TENT4B: variants seen among roughly 807,000 people sequenced by gnomAD.
TENT4B encodes the protein PAP associated domain containing 5.
In TENT4B, 10 loss-of-function variants were observed where a neutral mutation model predicts 75.0. That is an observed-to-expected ratio of 0.13 (90% CI 0.08 to 0.23). The LOEUF is 0.23. TENT4B is among the 10% of genes least tolerant of loss of function. The pLI, the probability that TENT4B is intolerant of heterozygous loss-of-function variation, is 1.00. For missense variants in TENT4B, 579 were observed against 893.8 expected, an observed-to-expected ratio of 0.65 and a Z score of 4.49; for synonymous variants, 350 against 357.7, an observed-to-expected ratio of 0.98 and a Z score of 0.24.
At chr16:50,214,604 C>T (rs1428624124) in intron 3 of TENT4B, among the ~76,000 whole-genome samples, 5 of 152,064 alleles carry the variant, frequency 3.3e-5, no homozygotes, top group East Asian at 3.9e-4. Context: ...TGCAGTGAGC[C>T]GAGATCGCGC....
intron 1 of TENT4B, among the ~76,000 whole-genome samples, chr16:50,195,569 G>A (rs2030176370): frequency 6.6e-6 from 1 of 152,180 alleles, no homozygotes; most frequent in Non-Finnish European, 1.5e-5. Flanking sequence ...TGATGGTCCT[G>A]AGTCATGAAA....
chr16:50,230,268 C>G lies in TENT4B; in HGVS notation c.*940C>G, dbSNP rs1355771404. On this transcript the variant is annotated 3_prime_UTR_variant, in exon 12 of 12. Coordinates refer to ENST00000561678, the MANE Select transcript of TENT4B (RefSeq NM_001365324.3). ...ACTTTGTGTTTGCTTCCTTTGCAGTCTTTTTTTTTTCCCCCCATTTCTTCC... is the reference window on the plus strand; with the variant it reads ...ACTTTGTGTTTGCTTCCTTTGCAGTGTTTTTTTTTTCCCCCCATTTCTTCC... 77 of 899,320 alleles carry G rather than the reference C, an allele frequency of 8.6e-5. No homozygotes were observed. Among genetic ancestry groups the G allele is most frequent in the Non-Finnish European group, 9.8e-5 (76 of 773,926 alleles). 55.7% of individuals were successfully genotyped at this position (899,320 alleles called of 1,614,324 possible).
At position 50,235,004 on chromosome 16, in the gene TENT4B, G is replaced by T. The variant is rs1454851974; in HGVS notation, c.*5676G>T. 1.0e-6 allele frequency: 1 copy of T among 985,712 alleles called. No individual in the cohort carries two copies. Among genetic ancestry groups the T allele is most frequent in the African/African-American group, 1.7e-5 (1 of 57,228 alleles). The allele number at this position is 985,712 out of a possible 1,614,324, so 61.1% of individuals were successfully genotyped here. A position where few individuals can be genotyped will look rare whatever the true frequency, so the allele number is the denominator to read the frequency against. On this transcript the variant is annotated 3_prime_UTR_variant, in exon 12 of 12. Coordinates refer to ENST00000561678, the MANE Select transcript of TENT4B (RefSeq NM_001365324.3). The stretch of plus-strand genomic sequence containing the variant: ...ATCATCTTGAAAACTTTCCAATCTT[G>T]TCTAGTTACCACTGCAGAGACACTA...
upstream of TENT4B, chr16:50,152,932 G>C (rs1027154104): frequency 9.3e-6 from 14 of 1,499,624 alleles, no homozygotes; most frequent in Non-Finnish European, 1.2e-5. Context: ...CGCGCTCCCT[G>C]CGGGGCGGGC....
intron 1 of TENT4B, among the ~76,000 whole-genome samples, chr16:50,195,397 A>G (rs77982079): frequency 0.026 from 3,897 of 152,294 alleles, 53 homozygotes; most frequent in South Asian, 0.05. Context: ...TTTGGCTCTC[A>G]GTGAGTTTAC....
rs2150758601 is a variant in TENT4B at position 50,234,161 on chromosome 16, CA to C, written c.*4835del. 2 of 985,392 alleles carry C rather than the reference CA, an allele frequency of 2.0e-6. No individual in the cohort carries two copies. The highest frequency in any genetic ancestry group is 2.4e-6 in the Non-Finnish European group (2 of 829,948). The allele number at this position is 985,392 out of a possible 1,614,324, so 61.0% of individuals were successfully genotyped here. On this transcript the variant is annotated 3_prime_UTR_variant, in exon 12 of 12. Transcript: ENST00000561678. ...TACCAGTGAGAAACTATGAAGTAAA[CA>C]AGTTGCTCAGGCCGGGCATGGTGGC... is the stretch of plus-strand genomic sequence containing the variant.
At chr16:50,153,217 G>C (rs2037802266), upstream of TENT4B, among the ~76,000 whole-genome samples, 1 of 139,724 alleles carries the variant, frequency 7.2e-6, no homozygotes, top group Non-Finnish European at 1.6e-5. Flanking sequence ...GGGCGGAGCC[G>C]GCAGAGGCCC....
intron 5 of TENT4B, among the ~76,000 whole-genome samples, chr16:50,221,415 G>T (rs181231887): frequency 6.6e-6 from 1 of 152,166 alleles, no homozygotes; most frequent in Non-Finnish European, 1.5e-5. Context: ...GACTCATTCT[G>T]TACATACTTG....
At chr16:50,200,960 C>A (rs1007057289) in intron 1 of TENT4B, among the ~76,000 whole-genome samples, 1 of 151,904 alleles carries the variant, frequency 6.6e-6, no homozygotes, top group Non-Finnish European at 1.5e-5. Flanking sequence ...CCATGCCCTG[C>A]TAATTTAAAA....
chr16:50,232,041 C>T lies in TENT4B; in HGVS notation c.*2713C>T, dbSNP rs753303873. 1.0e-6 allele frequency: 1 copy of T among 985,202 alleles called. No homozygotes were observed. Among genetic ancestry groups the T allele is most frequent in the African/African-American group, 1.7e-5 (1 of 57,230 alleles). 61.0% of individuals were successfully genotyped at this position (985,202 alleles called of 1,614,324 possible). ...ATTCTCCCTCACTCTGGTGACATTT[C>T]TCAGGCAGTCATGTATGTGTACCTG... On this transcript the variant is annotated 3_prime_UTR_variant, in exon 12 of 12. Transcript: ENST00000561678.
In TENT4B at chr16:50,234,333, C is replaced by T; in HGVS notation, c.*5005C>T. On this transcript the variant is annotated 3_prime_UTR_variant, in exon 12 of 12. Coordinates refer to ENST00000561678, the MANE Select transcript of TENT4B (RefSeq NM_001365324.3). ...ATTGGGTAGGGGAGGGAAAGGAGGA[C>T]TTGGAAAAGCATTCTCCAAAGCCAG... 1 of 972,824 alleles carries T rather than the reference C, an allele frequency of 1.0e-6. No homozygotes were observed. The allele number at this position is 972,824 out of a possible 1,614,324, so 60.3% of individuals were successfully genotyped here. A position where few individuals can be genotyped will look rare whatever the true frequency, so the allele number is the denominator to read the frequency against.
rs746671560 is a variant in TENT4B, at chr16:50,227,828, A to T, written c.1801-11A>T. On this transcript the variant is annotated splice_polypyrimidine_tract_variant and intron_variant, in intron 10 of 11. Coordinates refer to ENST00000561678, the MANE Select transcript of TENT4B (RefSeq NM_001365324.3). ...AATATGTCACATTATAACTCACGTG[A>T]CTTGTGTTAGGATTCCGATGCAACA... The T allele has an allele frequency of 8.1e-6, 13 of 1,613,544 alleles. No individual in the cohort carries two copies. The Admixed American group carries it at 1.8e-4, about 23-fold the overall frequency.
intron 1 of TENT4B, among the ~76,000 whole-genome samples, chr16:50,209,661 C>T (rs1157780080): frequency 6.6e-6 from 1 of 152,190 alleles, no homozygotes; most frequent in Non-Finnish European, 1.5e-5. Flanking sequence ...TGAAAAGGCT[C>T]CTGCTTACCA....
At chr16:50,200,937 T>C (rs2030606360) in intron 1 of TENT4B, among the ~76,000 whole-genome samples, 1 of 151,840 alleles carries the variant, frequency 6.6e-6, no homozygotes, top group African/African-American at 2.4e-5. Flanking sequence ...GCTGGGACTA[T>C]AGGCACACAC....
At chr16:50,165,619 G>A (rs976683644) in intron 1 of TENT4B, among the ~76,000 whole-genome samples, 2 of 152,038 alleles carry the variant, frequency 1.3e-5, no homozygotes, top group African/African-American at 4.8e-5. Context: ...GTCACATATA[G>A]ACTCTCTGTC....
In TENT4B at chr16:50,216,152, A is replaced by G. The variant is rs1596738747; in HGVS notation, c.887A>G (p.Lys296Arg). Residue 296 changes from lysine (K) to arginine (R), a missense_variant, in exon 4 of 12, where the codon AAA becomes AGA. Physicochemically the swap from Lys to Arg is conservative, Grantham distance 26. Around this residue, in one of 7 missense-constraint regions of TENT4B, gnomAD observed 55 missense variants for 77.1 expected, o/e 0.71. Coordinates refer to ENST00000561678, the MANE Select transcript of TENT4B (RefSeq NM_001365324.3). ...CTGGAAGAAGCTCTTCGGAAACACA[A>G]AGTCGCAGATGAGGATTCGGTGAAA... is the stretch of plus-strand genomic sequence containing the variant. ...WTLEEALRKH[K>R]VADEDSVKVL... is the part of the protein sequence containing the mutation. 2 of 1,613,966 alleles carry G rather than the reference A, an allele frequency of 1.2e-6. No homozygotes were observed. Among genetic ancestry groups the G allele is most frequent in the Non-Finnish European group, 8.5e-7 (1 of 1,179,868 alleles).
Position 50,216,163 on chromosome 16 carries a change from G to C in TENT4B, c.898G>C (p.Glu300Gln), listed in dbSNP as rs2031543177. 1 of 1,614,018 alleles carries C rather than the reference G, an allele frequency of 6.2e-7. No homozygotes were observed. Among genetic ancestry groups the C allele is most frequent in the East Asian group, 2.2e-5 (1 of 44,884 alleles). The change falls in exon 4 of 12, where the codon GAG becomes CAG. Residue 300 changes from glutamate (E) to glutamine (Q), a missense_variant. Transcript: ENST00000561678. ...EALRKHKVAD[E>Q]DSVKVLDKAT... ...TCTTCGGAAACACAAAGTCGCAGAT[G>C]AGGATTCGGTGAAAGTTTTAGACAA...
intron 1 of TENT4B, among the ~76,000 whole-genome samples, chr16:50,208,693 G>T (rs547147886): frequency 6.6e-6 from 1 of 152,172 alleles, no homozygotes; most frequent in South Asian, 2.1e-4. Flanking sequence ...TTTTCTCCTA[G>T]TGCCTTGAAC....
intron 1 of TENT4B, among the ~76,000 whole-genome samples, chr16:50,163,573 G>C: frequency 6.6e-6 from 1 of 151,234 alleles, no homozygotes; most frequent in Admixed American, 6.6e-5. Flanking sequence ...CTTATTTTTT[G>C]TATTTTTAGT....
Sources: gnomAD v4.1 joint callset for allele counts (sites outside exome capture counted in the v4.1 genomes callset) on GRCh38, gnomAD v4.1.1 for gene constraint, gnomAD v4.1.1 regional missense constraint, MANE v1.5 for transcripts, NCBI Gene and HGNC (gene_info 2026-07-23, HGNC 2026-07-21) for gene names.